Variants in DNAH1 observed in about 807,000 individuals in gnomAD.
DNAH1 encodes dynein axonemal heavy chain 1, also known as axonemal beta dynein heavy chain 1.
In DNAH1, 327 loss-of-function variants were observed where a neutral mutation model predicts 484.3. The observed-to-expected ratio is 0.68, with a 90% CI of 0.62 to 0.74. The LOEUF (loss-of-function observed/expected upper bound fraction) is 0.74, where lower values mean the gene tolerates loss of function less well. Among genes scored for constraint, DNAH1 ranks in the 30% least tolerant of loss-of-function variants. The pLI, the probability that DNAH1 is intolerant of heterozygous loss-of-function variation, is 0.00. For missense variants in DNAH1, 5,052 were observed against 5,546.8 expected, an observed-to-expected ratio of 0.91 and a Z score of 2.83; for synonymous variants, 2,192 against 2,191.9, an observed-to-expected ratio of 1.00 and a Z score of 0.00.
intron 1 of DNAH1, among the ~76,000 whole-genome samples, chr3:52,319,616 C>T (rs573140649): frequency 1.4e-4 from 22 of 152,354 alleles, no homozygotes; most frequent in African/African-American, 5.1e-4. Flanking sequence ...GAGGCAGAAG[C>T]CTTGCTGGGA....
chr3:52,375,300 G>A lies in DNAH1; in HGVS notation c.7046G>A (p.Gly2349Asp), dbSNP rs965707978. 5 of 1,612,504 alleles carry A rather than the reference G, an allele frequency of 3.1e-6. No homozygotes were observed. The highest frequency in any genetic ancestry group is 4.2e-6 in the Non-Finnish European group (5 of 1,179,330). ...TGTGCCATGGGCCCCCCGGGTGGAG[G>A]CAGGAACACCGTCACCCCGCGGCTG... is the stretch of plus-strand genomic sequence containing the variant. ...FVCAMGPPGG[G>D]RNTVTPRLMR... The change falls in exon 45 of 78, where the codon GGC becomes GAC. Residue 2349 changes from glycine to aspartate, a missense_variant. By Grantham distance (94) the Gly-to-Asp change is moderately conservative. Coordinates refer to ENST00000420323, the MANE Select transcript of DNAH1 (RefSeq NM_015512.5).
At position 52,375,313 on chromosome 3, in the gene DNAH1, C is replaced by T. The variant is rs1266811296; in HGVS notation, c.7059C>T (p.Val2353=). The T allele has an allele frequency of 3.1e-6, 5 of 1,612,820 alleles. No homozygotes were observed. In the Admixed American group the frequency reaches 6.7e-5, roughly 22 times the overall value. ...MGPPGGGRNT[V]TPRLMRHFNY... is the part of the protein sequence containing the mutation. ...CCCCGGGTGGAGGCAGGAACACCGT[C>T]ACCCCGCGGCTGATGCGTCACTTCA... The change falls in exon 45 of 78, where the codon GTC becomes GTT. Residue 2353 remains valine, a synonymous_variant. Transcript: ENST00000420323.
rs868332301 is a variant in DNAH1 at position 52,395,646 on chromosome 3, G to A, written c.11227G>A (p.Glu3743Lys). 1.2e-6 allele frequency: 2 copies of A among 1,613,730 alleles called. No individual in the cohort carries two copies. The highest frequency in any genetic ancestry group is 1.3e-5 in the African/African-American group (1 of 74,936). The change falls in exon 70 of 78, where the codon GAA becomes AAA. Residue 3743 changes from glutamate to lysine, a missense_variant. By Grantham distance (56) the Glu-to-Lys change is moderately conservative (BLOSUM62 1). This residue lies in a region of DNAH1 where 853 missense variants were observed against 899.0 expected (regional missense o/e 0.95). Transcript: ENST00000420323. The surrounding 1 kb of genome is among the most constrained non-coding windows in gnomAD (Gnocchi z 4.4). Reference sequence around the variant, plus strand: ...GGCACCAAGCTGGATGCCAGCCCTAGAACGCCTCATCGAGCACATCAACCC... The same window carrying A: ...GGCACCAAGCTGGATGCCAGCCCTAAAACGCCTCATCGAGCACATCAACCC... ...HLAPSWMPALERLIEHINPDK... is the reference protein window; with the variant it reads ...HLAPSWMPALKRLIEHINPDK...
At position 52,366,614 on chromosome 3, in the gene DNAH1, CAG is replaced by C; in HGVS notation, c.5610+67_5610+68del. 1.3e-6 allele frequency: 2 copies of C among 1,554,820 alleles called. 1 individual carries two copies. Among genetic ancestry groups the C allele is most frequent in the South Asian group, 2.4e-5 (2 of 84,792 alleles). ...GGCCTGTAGGGGGGTGCAGCTTCAA[CAG>C]GGGTTGGCCTCCATTTGTGCCCCTT... On this transcript the variant is annotated intron_variant, in intron 35 of 77. Transcript: ENST00000420323.
In DNAH1 at chr3:52,372,014, C is replaced by T. The variant is rs750257888; in HGVS notation, c.6594C>T (p.Asn2198=). The T allele has an allele frequency of 6.2e-7, 1 of 1,613,784 alleles. No homozygotes were observed. The highest frequency in any genetic ancestry group is 8.5e-7 in the Non-Finnish European group (1 of 1,179,882). ...TGGTACCAGACACCAACTACTGCAA[C>T]ATCATTGTGCCCACCATGGACACCG... ...FTMVPDTNYC[N]IIVPTMDTVQ... Residue 2198 remains asparagine (N), a synonymous_variant, in exon 42 of 78, where the codon AAC becomes AAT. Transcript: ENST00000420323.
chr3:52,374,620 A>G (rs1578167720), intron 44 of DNAH1: 2 of 1,492,070 alleles, frequency 1.3e-6, no homozygotes, highest in East Asian at 4.5e-5. Context: ...AATAATGAAT[A>G]CATCATGAGT....
intron 41 of DNAH1, among the ~76,000 whole-genome samples, 164 bp downstream of exon 41, chr3:52,370,989 T>A (rs1306795098): frequency 6.6e-6 from 1 of 151,750 alleles, no homozygotes; most frequent in Non-Finnish European, 1.5e-5. Context: ...CCCTGTAGAG[T>A]GGTTATTATT....
rs755132166 is a variant in DNAH1 at position 52,332,311 on chromosome 3, C to T, written c.1203C>T (p.Asp401=). The stretch of plus-strand genomic sequence containing the variant: ...TGTATGTGGACTGCATGCCCTCTGA[C>T]GGCCAGCATGTCATCAGTGAACAGA... ...YNLYVDCMPS[D]GQHVISEQSL... Residue 401 remains aspartate (D), a synonymous_variant, in exon 8 of 78, where the codon GAC becomes GAT. Coordinates refer to ENST00000420323, the MANE Select transcript of DNAH1 (RefSeq NM_015512.5). 29 of 1,613,932 alleles carry T rather than the reference C, an allele frequency of 1.8e-5. No homozygotes were observed. Among genetic ancestry groups the T allele is most frequent in the Middle Eastern group, 1.6e-4 (1 of 6,084 alleles).
At chr3:52,330,687 T>C (rs2153223197) in intron 6 of DNAH1, among the ~76,000 whole-genome samples, 1 of 152,204 alleles carries the variant, frequency 6.6e-6, no homozygotes, top group Non-Finnish European at 1.5e-5. Context: ...TGCCCTGCCG[T>C]GCCCTGTTCT....
intron 65 of DNAH1, 144 bp downstream of exon 65, chr3:52,393,169 G>A: frequency 7.1e-7 from 1 of 1,414,560 alleles, no homozygotes; most frequent in Non-Finnish European, 9.7e-7. Flanking sequence ...AATGCACACA[G>A]CACGCCTACC....
chr3:52,334,228 G>A (rs911401153), intron 8 of DNAH1, among the ~76,000 whole-genome samples: 1 of 152,064 alleles, frequency 6.6e-6, no homozygotes, highest in Non-Finnish European at 1.5e-5. Flanking sequence ...GTAACACAAC[G>A]GCAAGTATTC....
intron 50 of DNAH1, 110 bp downstream of exon 50, chr3:52,382,565 C>T (rs1703902965): frequency 1.3e-6 from 2 of 1,517,922 alleles, no homozygotes; most frequent in Non-Finnish European, 8.9e-7. Flanking sequence ...ACAGTCAGGG[C>T]AGATCTCAGA....
chr3:52,381,557 A>C lies in DNAH1; in HGVS notation c.7609-83A>C, dbSNP rs879117658. ...CCTGTGCTTCTCAGTCAGGACAGAGAAGAAAGCGGGTGGGTGGGGGGAATC... is the reference window on the plus strand; with the variant it reads ...CCTGTGCTTCTCAGTCAGGACAGAGCAGAAAGCGGGTGGGTGGGGGGAATC... On this transcript the variant is annotated intron_variant, in intron 48 of 77. Transcript: ENST00000420323. The surrounding 1 kb of genome is among the most constrained non-coding windows in gnomAD (Gnocchi z 4.1). 6.6e-6 allele frequency: 9 copies of C among 1,354,426 alleles called. No homozygotes were observed. Among genetic ancestry groups the C allele is most frequent in the Non-Finnish European group, 9.1e-6 (9 of 991,258 alleles). The allele number at this position is 1,354,426 out of a possible 1,614,324, so 83.9% of individuals were successfully genotyped here. A position where few individuals can be genotyped will look rare whatever the true frequency, so the allele number is the denominator to read the frequency against.
chr3:52,392,776 CA>C, intron 64 of DNAH1, 53 bp from the exon 65 acceptor site: 2 of 1,559,238 alleles, frequency 1.3e-6, no homozygotes, highest in South Asian at 2.3e-5. Context: ...GCCTGCCCCC[CA>C]AACCCCCTAC....
chr3:52,385,168 A>G (rs1026229206), intron 53 of DNAH1, among the ~76,000 whole-genome samples, 169 bp from the exon 54 acceptor site: 1 of 152,224 alleles, frequency 6.6e-6, no homozygotes, highest in Non-Finnish European at 1.5e-5. Context: ...GTGGCACCCC[A>G]CAGATATTTG....
intron 5 of DNAH1, 99 bp from the exon 6 acceptor site, chr3:52,327,783 A>T (rs1701402664): frequency 7.1e-7 from 1 of 1,405,784 alleles, no homozygotes; most frequent in South Asian, 1.3e-5. Flanking sequence ...TCACCTGGGG[A>T]GGGTATTACT....
chr3:52,383,648 T>C (rs1396930974), intron 51 of DNAH1, 54 bp downstream of exon 51: 4 of 1,495,074 alleles, frequency 2.7e-6, no homozygotes, highest in East Asian at 2.5e-5. Flanking sequence ...GGTGTGTACA[T>C]GGGCTGGCCC....
Position 52,357,635 on chromosome 3 carries a change from C to A in DNAH1, c.3880C>A (p.Leu1294Met). 6.2e-7 allele frequency: 1 copy of A among 1,600,698 alleles called. No homozygotes were observed. The highest frequency in any genetic ancestry group is 2.2e-5 in the East Asian group (1 of 44,480). The change falls in exon 23 of 78, where the codon CTG becomes ATG. Residue 1294 changes from leucine (L) to methionine (M), a missense_variant. By Grantham distance (15) the Leu-to-Met change is conservative. Coordinates refer to ENST00000420323, the MANE Select transcript of DNAH1 (RefSeq NM_015512.5). ...GCAGGTGATCAATGTGTGTTCCGAC[C>A]TGAGAATGCTGGACAGCCTGCGGGA... is the stretch of plus-strand genomic sequence containing the variant. ...NREVINVCSDLRMLDSLRDCN... is the reference protein window; with the variant it reads ...NREVINVCSDMRMLDSLRDCN...
At chr3:52,324,634 A>G (rs1347906956) in intron 3 of DNAH1, among the ~76,000 whole-genome samples, 1 of 151,748 alleles carries the variant, frequency 6.6e-6, no homozygotes, top group Non-Finnish European at 1.5e-5. Context: ...CTTGGAGCCC[A>G]CAGGCCTTAG....
Sources: gnomAD v4.1 joint callset for allele counts (sites outside exome capture counted in the v4.1 genomes callset) on GRCh38, gnomAD v4.1.1 for gene constraint, gnomAD v4.1.1 regional missense constraint, Gnocchi (gnomAD v3.1) non-coding constraint, MANE v1.5 for transcripts, NCBI Gene and HGNC (gene_info 2026-07-23, HGNC 2026-07-21) for gene names.